The following PCDHA6 variants were observed in gnomAD, a reference collection of about 807,000 sequenced individuals.
PCDHA6 encodes protocadherin alpha-6.
In PCDHA6, 55 loss-of-function variants were observed where a neutral mutation model predicts 60.3. The observed-to-expected ratio is 0.91, with a 90% CI of 0.73 to 1.14. The LOEUF (loss-of-function observed/expected upper bound fraction) is 1.14. PCDHA6 is among the 50% of genes most tolerant of loss of function. The pLI, the probability that PCDHA6 is intolerant of heterozygous loss-of-function variation, is 0.00. For missense variants in PCDHA6, 1,327 were observed against 1,256.5 expected (o/e 1.06, Z -0.85); for synonymous variants, 652 against 557.9 (o/e 1.17, Z -2.38).
intron 1 of PCDHA6, chr5:140,836,653 G>C (rs2150266924): frequency 6.2e-7 from 1 of 1,613,508 alleles, no homozygotes; most frequent in East Asian, 2.2e-5. Context: ...AGGCGGCAGA[G>C]GGTGTGCTCT....
Position 140,856,403 on chromosome 5 carries a change from G to A in PCDHA6, c.2394+25918G>A, listed in dbSNP as rs782447462. On this transcript the variant is annotated intron_variant, in intron 1 of 3. Coordinates refer to ENST00000529310, the MANE Select transcript of PCDHA6 (RefSeq NM_018909.4). ...CAGGCCGCTGCAGGTTTTCCATGTG[G>A]ACGTGGAAGTGAAGGACATTAACGA... 5.8e-5 allele frequency: 92 copies of A among 1,598,448 alleles called. 11 individuals are homozygous for A. The highest frequency in any genetic ancestry group is 7.7e-5 in the Non-Finnish European group (90 of 1,168,002).
At chr5:141,002,333 G>A (rs782123745) in intron 3 of PCDHA6, among the ~76,000 whole-genome samples, 15 of 152,314 alleles carry the variant, frequency 9.8e-5, no homozygotes, top group Non-Finnish European at 1.8e-4. Flanking sequence ...GGCTGCATCC[G>A]CACCCCTTCC....
intron 1 of PCDHA6, among the ~76,000 whole-genome samples, chr5:140,878,496 C>G (rs562678244): frequency 7.2e-5 from 11 of 152,174 alleles, no homozygotes; most frequent in Non-Finnish European, 1.6e-4. Flanking sequence ...ATTTAACCAT[C>G]TGTACGATAC....
At chr5:140,957,225 G>C (rs1585702621) in intron 1 of PCDHA6, among the ~76,000 whole-genome samples, 1 of 152,072 alleles carries the variant, frequency 6.6e-6, no homozygotes, top group Admixed American at 6.6e-5. Flanking sequence ...ATTTGGCGAA[G>C]CATTTTGGCA....
At chr5:140,987,432 T>G (rs1401623974) in intron 3 of PCDHA6, among the ~76,000 whole-genome samples, 1 of 152,152 alleles carries the variant, frequency 6.6e-6, no homozygotes, top group Non-Finnish European at 1.5e-5. Flanking sequence ...GCAGGGGGCC[T>G]TTCCCCATGC....
In PCDHA6 at chr5:140,849,965, G is replaced by A. The variant is rs782084624; in HGVS notation, c.2394+19480G>A. Reference sequence around the variant, plus strand: ...CTGACGCGCAGGAGAACGCCCTGGTGTCCTACTCGCTGGTGGAGCGGCGGT... The same window carrying A: ...CTGACGCGCAGGAGAACGCCCTGGTATCCTACTCGCTGGTGGAGCGGCGGT... On this transcript the variant is annotated intron_variant, in intron 1 of 3. Coordinates refer to ENST00000529310, the MANE Select transcript of PCDHA6 (RefSeq NM_018909.4). The A allele has an allele frequency of 1.0e-5, 16 of 1,597,766 alleles. 2 individuals are homozygous for A. Among genetic ancestry groups the A allele is most frequent in the Non-Finnish European group, 1.3e-5 (15 of 1,167,924 alleles).
chr5:140,926,919 A>C (rs782148872), intron 1 of PCDHA6: 2 of 1,566,668 alleles, frequency 1.3e-6, no homozygotes, highest in South Asian at 2.4e-5. Flanking sequence ...TGGCAGTTTT[A>C]TGTTTGTGGG....
Position 140,980,736 on chromosome 5 carries a change from A to G in PCDHA6, c.2453+1729A>G, listed in dbSNP as rs1014210313. 6.6e-5 allele frequency among the ~76,000 whole-genome samples: 10 copies of G among 152,312 alleles called. No individual in the cohort carries two copies. The East Asian group carries it at 1.9e-3, about 29-fold the overall frequency. ...TTCGGGTTTCAATTAAGATATTATG[A>G]GATTTGAGTAGGGTAAGAAATAAAA... On this transcript the variant is annotated intron_variant, in intron 2 of 3. Transcript: ENST00000529310.
chr5:140,855,892 G>A, intron 1 of PCDHA6: 3 of 1,011,396 alleles, frequency 3.0e-6, no homozygotes, highest in Non-Finnish European at 4.3e-6. Context: ...TAGAACAAAG[G>A]CATCAGCCAG....
intron 1 of PCDHA6, chr5:140,856,371 T>G: frequency 6.3e-7 from 1 of 1,598,432 alleles, no homozygotes; most frequent in South Asian, 1.1e-5. Flanking sequence ...CTGGAGGTGA[T>G]CGTGGACAGG....
intron 1 of PCDHA6, among the ~76,000 whole-genome samples, chr5:140,872,595 C>G (rs1048527578): frequency 6.6e-6 from 1 of 152,102 alleles, no homozygotes; most frequent in African/African-American, 2.4e-5. Flanking sequence ...AGACCCCCAT[C>G]TGAAAAAATA....
chr5:140,980,455 C>T (rs1412427414), intron 2 of PCDHA6, among the ~76,000 whole-genome samples: 1 of 152,086 alleles, frequency 6.6e-6, no homozygotes, highest in African/African-American at 2.4e-5. Context: ...CACGGTGAAA[C>T]CCTGTCTCTA....
At chr5:140,849,456 G>C in intron 1 of PCDHA6, 2 of 1,587,320 alleles carry the variant, frequency 1.3e-6, no homozygotes, top group Non-Finnish European at 1.7e-6. Context: ...GATCCCAGTC[G>C]AGGCTGTCGA....
chr5:140,887,624 GT>G (rs1369272233), intron 1 of PCDHA6, among the ~76,000 whole-genome samples: 1 of 151,558 alleles, frequency 6.6e-6, no homozygotes, highest in Non-Finnish European at 1.5e-5. Flanking sequence ...TTTTCTTTAT[GT>G]TAGTCTGTTG....
intron 1 of PCDHA6, chr5:140,875,198 G>A: frequency 7.2e-6 from 4 of 552,228 alleles, no homozygotes; most frequent in Non-Finnish European, 1.1e-5. Flanking sequence ...GACCCAGGAA[G>A]TGGCTAAACC....
chr5:141,001,559 G>A (rs1277713814), intron 3 of PCDHA6, among the ~76,000 whole-genome samples: 1 of 152,190 alleles, frequency 6.6e-6, no homozygotes, highest in Non-Finnish European at 1.5e-5. Context: ...TTCAGACCAC[G>A]ATTCTCCTGT....
intron 1 of PCDHA6, among the ~76,000 whole-genome samples, chr5:140,923,204 C>T (rs1175108066): frequency 1.3e-5 from 2 of 151,950 alleles, no homozygotes; most frequent in Non-Finnish European, 2.9e-5. Flanking sequence ...ATTTGGGAGG[C>T]TAAGGTGAAA....
intron 3 of PCDHA6, among the ~76,000 whole-genome samples, chr5:141,007,658 A>G (rs2098338890): frequency 6.6e-6 from 1 of 152,098 alleles, no homozygotes; most frequent in Non-Finnish European, 1.5e-5. Context: ...AAAAACCATA[A>G]ATTTACAAAG....
In PCDHA6 at chr5:140,922,322, GA is replaced by G. The variant is rs2080774913; in HGVS notation, c.2395-56624del. Among the ~76,000 whole-genome samples the G allele has an allele frequency of 2.0e-5, 3 of 152,302 alleles. No homozygotes were observed. The East Asian group carries it at 5.8e-4, about 29-fold the overall frequency. ...AGGATACCTTTCACTGAAGATCTTG[GA>G]AAGGGTTGGTATATTGGTATTTTCT... On this transcript the variant is annotated intron_variant, in intron 1 of 3. Transcript: ENST00000529310.
Sources: gnomAD v4.1 joint callset for allele counts (sites outside exome capture counted in the v4.1 genomes callset) on GRCh38, gnomAD v4.1.1 for gene constraint, MANE v1.5 for transcripts, NCBI Gene and HGNC (gene_info 2026-07-23, HGNC 2026-07-21) for gene names.